The following PTPRM variants were observed in gnomAD, a reference collection of about 807,000 sequenced individuals.
PTPRM encodes the protein protein tyrosine phosphatase receptor type M.
A neutral mutation model predicts 186.7 loss-of-function variants in PTPRM; 47 were observed. The observed-to-expected ratio is 0.25, with a 90% CI of 0.20 to 0.32. PTPRM has a LOEUF of 0.32. PTPRM is among the 10% of genes least tolerant of loss of function. PTPRM has a pLI of 1.00. For synonymous variants in PTPRM, 668 were observed against 674.9 expected (o/e 0.99, Z 0.16); for missense variants, 1,494 against 1,865.0 (o/e 0.80, Z 3.66).
At chr18:7,825,924 C>G (rs926213090) in intron 2 of PTPRM, among the ~76,000 whole-genome samples, 1 of 152,174 alleles carries the variant, frequency 6.6e-6, no homozygotes, top group Non-Finnish European at 1.5e-5. Context: ...GTTCTAGAAG[C>G]TTTCCATATA....
At chr18:7,679,626 C>A (rs1314788315) in intron 1 of PTPRM, among the ~76,000 whole-genome samples, 2 of 152,164 alleles carry the variant, frequency 1.3e-5, no homozygotes, top group Middle Eastern at 3.2e-3. Context: ...GATCGCGACA[C>A]TGCAGTCCAG....
chr18:8,279,094 A>G (rs2094871557), intron 19 of PTPRM, among the ~76,000 whole-genome samples: 1 of 151,990 alleles, frequency 6.6e-6, no homozygotes, highest in African/African-American at 2.4e-5. Flanking sequence ...ATATATATAT[A>G]TAAACAAAAC....
chr18:8,301,450 G>A lies in PTPRM; in HGVS notation c.2842+4995G>A, dbSNP rs1469228558. On this transcript the variant is annotated intron_variant, in intron 20 of 32. Coordinates refer to ENST00000580170, the MANE Select transcript of PTPRM (RefSeq NM_001105244.2). ...GCACACACCAAATCTCCCTGCTAAC[G>A]AGGCAGCCCCCTTGCAGCCGGCTCC... 5.3e-5 allele frequency among the ~76,000 whole-genome samples: 8 copies of A among 152,190 alleles called. No homozygotes were observed. The East Asian group carries it at 7.7e-4, about 15-fold the overall frequency.
intron 1 of PTPRM, among the ~76,000 whole-genome samples, chr18:7,684,592 T>C (rs2039555881): frequency 1.3e-5 from 2 of 152,214 alleles, no homozygotes; most frequent in African/African-American, 2.4e-5. Flanking sequence ...AATAGAATCA[T>C]ACGCTATTTG....
Position 8,146,424 on chromosome 18 carries a change from A to G in PTPRM, c.2300+2645A>G, listed in dbSNP as rs116016672. Among the ~76,000 whole-genome samples, 730 of 151,226 alleles carry G rather than the reference A, an allele frequency of 4.8e-3. 2 individuals carry two copies. Among genetic ancestry groups the G allele is most frequent in the African/African-American group, 0.017 (695 of 41,294 alleles). ...GACCGGTGATGATAAGCATTTTTTT[A>G]TATGTTGGTTGGCTGCATAAATGTC... On this transcript the variant is annotated intron_variant, in intron 14 of 32. Transcript: ENST00000580170.
chr18:8,059,052 C>G (rs2088259804), intron 7 of PTPRM, among the ~76,000 whole-genome samples: 1 of 140,778 alleles, frequency 7.1e-6, no homozygotes, highest in Admixed American at 7.0e-5. Context: ...GGCAGTATGG[C>G]CATTTTCACG....
At chr18:8,164,901 A>T (rs921056460) in intron 14 of PTPRM, among the ~76,000 whole-genome samples, 9 of 16,016 alleles carry the variant, frequency 5.6e-4, no homozygotes, top group East Asian at 0.25. Flanking sequence ...GCGCAGTGGC[A>T]CATGCCTAAT....
rs1235933280 is a variant in PTPRM at position 8,126,021 on chromosome 18, A to ATTTTTT, written c.2167+11195_2167+11196insTTTTTT. Among the ~76,000 whole-genome samples, 168 of 37,518 alleles carry ATTTTTT rather than the reference A, an allele frequency of 4.5e-3. 14 individuals are homozygous for ATTTTTT. Among genetic ancestry groups the ATTTTTT allele is most frequent in the Non-Finnish European group, 8.5e-3 (130 of 15,356 alleles). 24.6% of individuals were successfully genotyped at this position (37,518 alleles called of 152,430 possible). Reference sequence around the variant, plus strand: ...TATATATATATATATATATATATATATATATATTTTAAATCAGTAGACCTT... The same window carrying ATTTTTT: ...TATATATATATATATATATATATATATTTTTTTATATATTTTAAATCAGTAGACCTT... On this transcript the variant is annotated intron_variant, in intron 13 of 32. Coordinates refer to ENST00000580170, the MANE Select transcript of PTPRM (RefSeq NM_001105244.2).
intron 14 of PTPRM, among the ~76,000 whole-genome samples, chr18:8,219,579 G>A (rs1285598680): frequency 6.6e-6 from 1 of 152,186 alleles, no homozygotes; most frequent in African/African-American, 2.4e-5. Context: ...TCTACATTTT[G>A]GAGAGGAAGG....
intron 7 of PTPRM, among the ~76,000 whole-genome samples, chr18:8,013,464 C>G (rs2084666193): frequency 6.6e-6 from 1 of 152,130 alleles, no homozygotes. Flanking sequence ...TAAAATGTTA[C>G]TGAGAAAGTC....
chr18:7,906,723 C>T, intron 4 of PTPRM, 140 bp downstream of exon 4: 1 of 678,166 alleles, frequency 1.5e-6, no homozygotes, highest in Non-Finnish European at 2.6e-6. Flanking sequence ...GTTGGTTTGC[C>T]AGCCCAGAAA....
At chr18:7,774,884 T>C (rs560474592) in intron 2 of PTPRM, among the ~76,000 whole-genome samples, 5 of 152,328 alleles carry the variant, frequency 3.3e-5, no homozygotes, top group African/African-American at 1.2e-4. Context: ...TGAGCTCTAA[T>C]CAGCTTGGAG....
intron 2 of PTPRM, among the ~76,000 whole-genome samples, chr18:7,823,989 C>T (rs2045348702): frequency 6.6e-6 from 1 of 152,208 alleles, no homozygotes; most frequent in South Asian, 2.1e-4. Context: ...ATGGATCTGT[C>T]TTTATTGGCC....
intron 7 of PTPRM, among the ~76,000 whole-genome samples, chr18:7,991,407 G>A (rs562521943): frequency 4.6e-5 from 7 of 152,092 alleles, no homozygotes; most frequent in Non-Finnish European, 8.8e-5. Flanking sequence ...GAGAGAGAAG[G>A]AAAGCTAAAA....
intron 14 of PTPRM, among the ~76,000 whole-genome samples, chr18:8,149,153 G>A (rs969484271): frequency 6.6e-6 from 1 of 152,182 alleles, no homozygotes; most frequent in Non-Finnish European, 1.5e-5. Context: ...GAGTTCCGTG[G>A]ATGTCTCTTA....
chr18:8,274,439 A>G (rs1407571503), intron 19 of PTPRM, among the ~76,000 whole-genome samples: 12 of 152,214 alleles, frequency 7.9e-5, no homozygotes, highest in Admixed American at 7.2e-4. Context: ...ATGATTCTTC[A>G]TAATTGCTTT....
intron 9 of PTPRM, among the ~76,000 whole-genome samples, chr18:8,077,783 A>C (rs1315860529): frequency 2.0e-5 from 3 of 152,214 alleles, no homozygotes; most frequent in African/African-American, 7.2e-5. Flanking sequence ...CCAAGCCGTA[A>C]GTTCACCTGT....
chr18:8,328,058 G>A (rs1479924052), intron 22 of PTPRM, among the ~76,000 whole-genome samples: 1 of 152,170 alleles, frequency 6.6e-6, no homozygotes, highest in Non-Finnish European at 1.5e-5. Flanking sequence ...TTGTTGTAGT[G>A]CCTTCATTCT....
intron 14 of PTPRM, among the ~76,000 whole-genome samples, chr18:8,232,788 T>C (rs2094302818): frequency 6.6e-6 from 1 of 152,120 alleles, no homozygotes; most frequent in South Asian, 2.1e-4. Flanking sequence ...AACGTGGGAA[T>C]AGAAGACAAA....
Sources: allele counts gnomAD v4.1 joint callset (sites outside exome capture counted in the v4.1 genomes callset), GRCh38; gene constraint gnomAD v4.1.1; transcripts MANE v1.5; gene names NCBI Gene and HGNC (gene_info 2026-07-23, HGNC 2026-07-21).